RNF128: variants seen among roughly 807,000 people sequenced by gnomAD.
RNF128 encodes ring finger protein 128, also known as E3 ubiquitin-protein ligase RNF128.
In RNF128, 13 loss-of-function variants were observed where a neutral mutation model predicts 26.2. The observed-to-expected ratio is 0.50, with a 90% CI of 0.32 to 0.79. The LOEUF (loss-of-function observed/expected upper bound fraction) is 0.79, where lower values mean the gene tolerates loss of function less well. Among genes scored for constraint, RNF128 ranks in the 30% least tolerant of loss-of-function variants. The pLI, the probability that RNF128 is intolerant of heterozygous loss-of-function variation, is 0.03. For synonymous variants in RNF128, 149 were observed against 142.5 expected, an observed-to-expected ratio of 1.05 and a Z score of -0.32; for missense variants, 315 against 349.7, an observed-to-expected ratio of 0.90 and a Z score of 0.79.
intron 1 of RNF128, among the ~76,000 whole-genome samples, chrX:106,747,920 C>T (rs917974246): frequency 8.9e-6 from 1 of 111,942 alleles, no homozygotes; most frequent in African/African-American, 3.2e-5. Flanking sequence ...GCAGGGACTG[C>T]ACTTTATTAC....
intron 1 of RNF128, among the ~76,000 whole-genome samples, chrX:106,719,721 C>G (rs1323236123): frequency 9.1e-6 from 1 of 110,285 alleles, no homozygotes; most frequent in Non-Finnish European, 1.9e-5. Context: ...TATATCTGTT[C>G]AATTTTTTAC....
At chrX:106,704,845 G>A (rs1308669102) in intron 1 of RNF128, among the ~76,000 whole-genome samples, 3 of 111,885 alleles carry the variant, frequency 2.7e-5, no homozygotes, top group African/African-American at 6.5e-5. Context: ...GTAAAGATTA[G>A]AAACAAAATT....
intron 1 of RNF128, among the ~76,000 whole-genome samples, chrX:106,757,874 C>T (rs1045364747): frequency 2.7e-5 from 3 of 111,833 alleles, no homozygotes; most frequent in Non-Finnish European, 3.8e-5. Context: ...TCCTTTAATA[C>T]CTGGAACAGG....
intron 1 of RNF128, among the ~76,000 whole-genome samples, chrX:106,754,472 G>C (rs1929965804): frequency 1.3e-5 from 1 of 79,615 alleles, no homozygotes; most frequent in African/African-American, 5.3e-5. Context: ...TATTGCCCAA[G>C]CTGTTCTCAA....
chrX:106,731,336 C>G (rs956054254), intron 1 of RNF128, among the ~76,000 whole-genome samples: 4 of 111,467 alleles, frequency 3.6e-5, no homozygotes. Flanking sequence ...TCTCAAATAA[C>G]TGCTTCTCCC....
At chrX:106,731,499 T>C (rs1372859138) in intron 1 of RNF128, among the ~76,000 whole-genome samples, 1 of 111,688 alleles carries the variant, frequency 9.0e-6, no homozygotes, top group East Asian at 2.8e-4. Flanking sequence ...CTTTTTTTAA[T>C]AGAGAAGTTC....
chrX:106,711,078 A>T (rs1929118910), intron 1 of RNF128, among the ~76,000 whole-genome samples: 2 of 111,878 alleles, frequency 1.8e-5, no homozygotes, highest in Admixed American at 1.9e-4. Flanking sequence ...TATAAAAATA[A>T]TTTTTGCTAA....
At chrX:106,760,686 C>A (rs959458708) in intron 1 of RNF128, among the ~76,000 whole-genome samples, 5 of 111,522 alleles carry the variant, frequency 4.5e-5, no homozygotes, top group African/African-American at 1.6e-4. Flanking sequence ...GAGATATCTG[C>A]CCTCCCATGT....
At chrX:106,763,599 C>G (rs1424435441) in intron 1 of RNF128, among the ~76,000 whole-genome samples, 1 of 111,974 alleles carries the variant, frequency 8.9e-6, no homozygotes, top group Admixed American at 9.4e-5. Context: ...CTCCGCCTCC[C>G]GGGTTCACGC....
chrX:106,777,504 TAC>T (rs1462266347), intron 2 of RNF128, among the ~76,000 whole-genome samples: 2 of 111,620 alleles, frequency 1.8e-5, no homozygotes, highest in Admixed American at 9.6e-5. Flanking sequence ...GAACAGTATA[TAC>T]AGTTGACCCT....
chrX:106,744,878 A>G (rs999126972), intron 1 of RNF128, among the ~76,000 whole-genome samples: 3 of 112,177 alleles, frequency 2.7e-5, no homozygotes, highest in Non-Finnish European at 5.6e-5. Context: ...TAAAGAGTGT[A>G]AAGGGGTCCT....
intron 1 of RNF128, among the ~76,000 whole-genome samples, chrX:106,771,954 C>A (rs1930380454): frequency 8.9e-6 from 1 of 112,154 alleles, no homozygotes; most frequent in Non-Finnish European, 1.9e-5. Context: ...CAGATTAGCA[C>A]CTTAACTTAA....
chrX:106,766,507 G>C (rs1372898383), intron 1 of RNF128, among the ~76,000 whole-genome samples: 1 of 112,337 alleles, frequency 8.9e-6, no homozygotes, highest in African/African-American at 3.2e-5. Flanking sequence ...CTGCATAAAT[G>C]TCTTCTTTTG....
chrX:106,790,160 A>T, intron 4 of RNF128, 26 bp from the exon 5 acceptor site: 1 of 1,017,909 alleles, frequency 9.8e-7, no homozygotes, highest in Non-Finnish European at 1.4e-6. Context: ...TTTACAACTG[A>T]TAATTATGTT....
At chrX:106,701,797 T>C (rs1440931910) in intron 1 of RNF128, among the ~76,000 whole-genome samples, 1 of 111,341 alleles carries the variant, frequency 9.0e-6, no homozygotes, top group Non-Finnish European at 1.9e-5. Flanking sequence ...TAGTAAAGAA[T>C]AATAAATGTA....
At chrX:106,778,629 G>A (rs748089358) in intron 2 of RNF128, among the ~76,000 whole-genome samples, 8 of 111,248 alleles carry the variant, frequency 7.2e-5, no homozygotes, top group East Asian at 2.8e-4. Flanking sequence ...CTCAGTTTCC[G>A]GCAACATGGC....
chrX:106,706,998 T>G (rs1929053397), intron 1 of RNF128, among the ~76,000 whole-genome samples: 1 of 111,964 alleles, frequency 8.9e-6, no homozygotes, highest in Admixed American at 9.5e-5. Flanking sequence ...GGCTAACAGT[T>G]TATCCTGATA....
At chrX:106,730,493 A>G (rs1485384965) in intron 1 of RNF128, among the ~76,000 whole-genome samples, 1 of 112,216 alleles carries the variant, frequency 8.9e-6, no homozygotes, top group Non-Finnish European at 1.9e-5. Context: ...GCCAAATCTT[A>G]AAGTAAGCAT....
At chrX:106,755,516 C>T (rs934905106) in intron 1 of RNF128, among the ~76,000 whole-genome samples, 21 of 110,552 alleles carry the variant, frequency 1.9e-4, no homozygotes, top group Admixed American at 7.7e-4. Flanking sequence ...AAAACCTCAA[C>T]CAAATATTAA....
Sources: gnomAD v4.1 joint callset for allele counts (sites outside exome capture counted in the v4.1 genomes callset) on GRCh38, gnomAD v4.1.1 for gene constraint, MANE v1.5 for transcripts, NCBI Gene and HGNC (gene_info 2026-07-23, HGNC 2026-07-21) for gene names.